RAD51B: variants seen among roughly 807,000 people sequenced by gnomAD.
The protein encoded by RAD51B is RAD51 paralog B.
In RAD51B, 38 loss-of-function variants were observed where a neutral mutation model predicts 42.2. That is an observed-to-expected ratio of 0.90 (90% confidence interval 0.70 to 1.18). The LOEUF (loss-of-function observed/expected upper bound fraction) is 1.18. RAD51B is among the 50% of genes most tolerant of loss of function. The probability of loss-of-function intolerance (pLI) is 0.00; values close to 1 mark genes in which losing one functional copy is unlikely to be tolerated. For synonymous variants in RAD51B, 154 were observed against 145.2 expected (o/e 1.06, Z -0.43); for missense variants, 373 against 400.7 (o/e 0.93, Z 0.59).
chr14:68,582,911 C>T (rs928958757), intron 10 of RAD51B, among the ~76,000 whole-genome samples: 4 of 152,224 alleles, frequency 2.6e-5, no homozygotes, highest in African/African-American at 9.6e-5. Flanking sequence ...GAAGAGAAAA[C>T]CAAACACCAC....
At chr14:68,590,020 C>A (rs2140075311) in intron 10 of RAD51B, among the ~76,000 whole-genome samples, 1 of 152,276 alleles carries the variant, frequency 6.6e-6, no homozygotes, top group East Asian at 1.9e-4. Context: ...CCACTTCAGA[C>A]CCAGCCCATT....
chr14:68,188,852 C>T (rs1005337037), intron 7 of RAD51B, among the ~76,000 whole-genome samples: 2 of 152,160 alleles, frequency 1.3e-5, no homozygotes, highest in African/African-American at 4.8e-5. Flanking sequence ...TTCAGACACA[C>T]TGATTTCTTG....
rs978024144 is a variant in RAD51B, at chr14:68,424,401, T to C, written c.957+12874T>C. Reference sequence around the variant, plus strand: ...TTTTGGTTTTGGTTTGTTTGTTTTGTTTTTACTGGTGCCTCTTTATAATAA... The same window carrying C: ...TTTTGGTTTTGGTTTGTTTGTTTTGCTTTTACTGGTGCCTCTTTATAATAA... On this transcript the variant is annotated intron_variant, in intron 9 of 10. Coordinates refer to ENST00000471583, the MANE Select transcript of RAD51B (RefSeq NM_133510.4). Among the ~76,000 whole-genome samples the C allele has an allele frequency of 2.0e-5, 3 of 152,324 alleles. No homozygotes were observed. The South Asian group carries it at 6.2e-4, about 32-fold the overall frequency.
chr14:68,262,036 T>C (rs981893815), intron 7 of RAD51B, among the ~76,000 whole-genome samples: 1 of 152,164 alleles, frequency 6.6e-6, no homozygotes, highest in African/African-American at 2.4e-5. Flanking sequence ...AGTTTGTAAA[T>C]AGGAGTAACT....
chr14:67,847,506 T>C (rs956345667), intron 4 of RAD51B, among the ~76,000 whole-genome samples: 2 of 152,106 alleles, frequency 1.3e-5, no homozygotes, highest in African/African-American at 4.8e-5. Flanking sequence ...TATCAAATAA[T>C]TTTTTGACTT....
rs546231007 is a variant in RAD51B at position 68,008,381 on chromosome 14, T to G, written c.756+121177T>G. On this transcript the variant is annotated intron_variant, in intron 7 of 10. Transcript: ENST00000471583. ...GTGTAAAATGTATGATAACAATTCA[T>G]AAAAAGCAACATTCACCCACACAAA... Among the ~76,000 whole-genome samples, 88 of 151,968 alleles carry G rather than the reference T, an allele frequency of 5.8e-4. 1 individual carries two copies. The highest frequency in any genetic ancestry group is 1.6e-3 in the Admixed American group (24 of 15,250).
intron 10 of RAD51B, among the ~76,000 whole-genome samples, chr14:68,469,481 T>C (rs183732264): frequency 2.0e-5 from 3 of 152,364 alleles, no homozygotes; most frequent in Admixed American, 2.0e-4. Context: ...GACCTTTGGC[T>C]CTTAGCCTTT....
In RAD51B at chr14:68,625,849, C is replaced by T. The variant is rs547704802; in HGVS notation, c.1037-24932C>T. On this transcript the variant is annotated intron_variant, in intron 10 of 11. Transcript: ENST00000488612. ...CTTCTTTGGGTTTCCAGGGCTGCCC[C>T]GCAAGAAGCAAATCTAAGCAGGAGG... is the stretch of plus-strand genomic sequence containing the variant. 2.6e-3 allele frequency among the ~76,000 whole-genome samples: 392 copies of T among 152,174 alleles called. 4 individuals carry two copies. Among genetic ancestry groups the T allele is most frequent in the Non-Finnish European group, 2.5e-3 (172 of 68,016 alleles).
At chr14:68,031,835 A>G (rs2076048769) in intron 7 of RAD51B, among the ~76,000 whole-genome samples, 1 of 152,202 alleles carries the variant, frequency 6.6e-6, no homozygotes, top group South Asian at 2.1e-4. Flanking sequence ...CTCATTTACC[A>G]TCAAAACTAC....
intron 7 of RAD51B, chr14:67,908,186 G>T (rs966148718): frequency 1.2e-4 from 19 of 152,126 alleles, no homozygotes; most frequent in African/African-American, 3.9e-4. Context: ...AGATTGCTTG[G>T]CCCCATGTTA....
At chr14:68,264,738 A>G (rs189070070) in intron 7 of RAD51B, among the ~76,000 whole-genome samples, 1 of 152,174 alleles carries the variant, frequency 6.6e-6, no homozygotes, top group Non-Finnish European at 1.5e-5. Flanking sequence ...GGAGGATTAG[A>G]GCATGCTGAA....
At chr14:67,961,068 A>C (rs1349448183) in intron 7 of RAD51B, among the ~76,000 whole-genome samples, 3 of 152,104 alleles carry the variant, frequency 2.0e-5, no homozygotes, top group Non-Finnish European at 4.4e-5. Flanking sequence ...GTGCAGTGGC[A>C]TGATCATGGC....
At chr14:67,953,431 A>G (rs2074490208) in intron 7 of RAD51B, among the ~76,000 whole-genome samples, 3 of 152,178 alleles carry the variant, frequency 2.0e-5, no homozygotes, top group Admixed American at 2.0e-4. Flanking sequence ...GAGCCAGGTC[A>G]TGGAGGGTTT....
rs76498298 is a variant in RAD51B, at chr14:68,177,783, G to C, written c.757-114101G>C. Among the ~76,000 whole-genome samples, 9 of 152,128 alleles carry C rather than the reference G, an allele frequency of 5.9e-5. No homozygotes were observed. The East Asian group carries it at 1.5e-3, about 26-fold the overall frequency. ...GAGATGTTCAAGCTTTCTGGCATTT[G>C]ACTAACGTTTTATGCTCTCTTGTCT... On this transcript the variant is annotated intron_variant, in intron 7 of 10. Coordinates refer to ENST00000471583, the MANE Select transcript of RAD51B (RefSeq NM_133510.4).
chr14:68,090,076 C>G (rs187413229), intron 7 of RAD51B, among the ~76,000 whole-genome samples: 1 of 152,192 alleles, frequency 6.6e-6, no homozygotes, highest in East Asian at 1.9e-4. Flanking sequence ...AAATTATTTT[C>G]TTATTTAAAA....
chr14:68,347,721 T>C (rs1184443107), intron 8 of RAD51B, among the ~76,000 whole-genome samples: 1 of 152,170 alleles, frequency 6.6e-6, no homozygotes, highest in East Asian at 1.9e-4. Context: ...GCATCAGCAG[T>C]TTCAGCTACT....
chr14:67,911,985 A>G (rs952909358), intron 7 of RAD51B, among the ~76,000 whole-genome samples: 1 of 152,256 alleles, frequency 6.6e-6, no homozygotes, highest in African/African-American at 2.4e-5. Context: ...AGCTGTGTAT[A>G]TGATAGCATG....
At chr14:68,447,210 C>G (rs10130220) in intron 9 of RAD51B, among the ~76,000 whole-genome samples, 38,183 of 152,054 alleles carry the variant, frequency 0.25, 5,046 homozygotes, top group African/African-American at 0.31. Flanking sequence ...AAGAGTGAAA[C>G]TCCATCTCAA....
intron 7 of RAD51B, among the ~76,000 whole-genome samples, chr14:68,158,007 T>C (rs866107298): frequency 2.6e-5 from 4 of 152,186 alleles, no homozygotes; most frequent in Non-Finnish European, 5.9e-5. Context: ...ATTGAGACTA[T>C]GGAAAGAGAA....
Sources: gnomAD v4.1 joint callset for allele counts (sites outside exome capture counted in the v4.1 genomes callset) on GRCh38, gnomAD v4.1.1 for gene constraint, MANE v1.5 for transcripts, NCBI Gene and HGNC (gene_info 2026-07-23, HGNC 2026-07-21) for gene names.